TIAM2: variants seen among roughly 807,000 people sequenced by gnomAD.
TIAM2 encodes the protein rho guanine nucleotide exchange factor TIAM2.
Under a neutral mutation model 152.9 loss-of-function variants are expected in TIAM2, and 80 were observed. That is an observed-to-expected ratio of 0.52 (90% CI 0.44 to 0.63). TIAM2 has a LOEUF of 0.63. Among genes scored for constraint, TIAM2 ranks in the 30% least tolerant of loss-of-function variants. The pLI is 0.00. For synonymous variants in TIAM2, 804 were observed against 838.0 expected, an observed-to-expected ratio of 0.96 and a Z score of 0.70; for missense variants, 1,965 against 2,120.1, an observed-to-expected ratio of 0.93 and a Z score of 1.44.
chr6:155,189,002 C>CT (rs1403486917), intron 14 of TIAM2, among the ~76,000 whole-genome samples: 1 of 152,144 alleles, frequency 6.6e-6, no homozygotes, highest in Non-Finnish European at 1.5e-5. Flanking sequence ...TTGAATCATT[C>CT]TTTTTTTAAA....
At chr6:155,097,143 A>G (rs1216046865) in intron 2 of TIAM2, among the ~76,000 whole-genome samples, 3 of 152,096 alleles carry the variant, frequency 2.0e-5, no homozygotes, top group Non-Finnish European at 2.9e-5. Flanking sequence ...GGCCATTTGT[A>G]TGTCTTCCTT....
At chr6:155,115,576 C>A (rs1778988513) in intron 2 of TIAM2, among the ~76,000 whole-genome samples, 5 of 152,116 alleles carry the variant, frequency 3.3e-5, no homozygotes, top group Admixed American at 3.3e-4. Flanking sequence ...TCACTTGAGC[C>A]CTGGCATTTG....
intron 1 of TIAM2, among the ~76,000 whole-genome samples, chr6:155,040,168 A>AT (rs1776995793): frequency 6.6e-6 from 1 of 152,166 alleles, no homozygotes; most frequent in Admixed American, 6.5e-5. Context: ...AAGATGCATA[A>AT]TCTTCTCTTC....
intron 1 of TIAM2, among the ~76,000 whole-genome samples, chr6:155,035,325 G>A (rs532192607): frequency 6.6e-6 from 1 of 151,698 alleles, no homozygotes; most frequent in East Asian, 1.9e-4. Context: ...GGGTTCAAGC[G>A]ATCCTCCTGC....
chr6:155,245,855 G>C lies in TIAM2; in HGVS notation c.3652+124G>C, dbSNP rs913895727. On this transcript the variant is annotated intron_variant, in intron 19 of 26. Transcript: ENST00000682666. ...TTTTGATGTATTAAGGTCCATCCTT[G>C]ACCTTGACAGTGGCAAATATTAAAG... is the stretch of plus-strand genomic sequence containing the variant. 8.7e-5 allele frequency: 49 copies of C among 566,236 alleles called. No individual in the cohort carries two copies. In the African/African-American group the frequency reaches 9.8e-4, roughly 11 times the overall value. The allele number at this position is 566,236 out of a possible 1,614,324, so 35.1% of individuals were successfully genotyped here. A position where few individuals can be genotyped will look rare whatever the true frequency, so the allele number is the denominator to read the frequency against.
In TIAM2 at chr6:155,167,654, TA is replaced by T. The variant is rs534387180; in HGVS notation, c.2361+2250del. 7.9e-5 allele frequency among the ~76,000 whole-genome samples: 12 copies of T among 152,340 alleles called. No homozygotes were observed. In the South Asian group the frequency reaches 2.5e-3, roughly 32 times the overall value. On this transcript the variant is annotated intron_variant, in intron 9 of 26. Coordinates refer to ENST00000682666, the MANE Select transcript of TIAM2 (RefSeq NM_012454.4). Reference sequence around the variant, plus strand: ...GTGGGCCTATGCTTTCTTTATTTTTTAAAAATTGTTTTTGTAGAAATGGGGA... The same window carrying T: ...GTGGGCCTATGCTTTCTTTATTTTTTAAAATTGTTTTTGTAGAAATGGGGA...
At chr6:155,254,936 C>CGGCG in intron 26 of TIAM2, 1 of 177,468 alleles carries the variant, frequency 5.6e-6, no homozygotes, top group South Asian at 1.7e-4. Context: ...AAGAACCTTA[C>CGGCG]ACAGAGGGTC....
intron 1 of TIAM2, among the ~76,000 whole-genome samples, chr6:155,060,413 CAAAT>C (rs1281690845): frequency 6.6e-6 from 1 of 152,036 alleles, no homozygotes; most frequent in Non-Finnish European, 1.5e-5. Context: ...AAAAAACAAA[CAAAT>C]AAAAAACCAT....
intron 1 of TIAM2, among the ~76,000 whole-genome samples, chr6:155,009,213 C>T (rs4870340): frequency 0.15 from 22,589 of 150,492 alleles, 1,705 homozygotes; most frequent in Middle Eastern, 0.19. Context: ...GCGATTCTTG[C>T]ACCTCAGCCT....
rs1444967651 is a variant in TIAM2, at chr6:154,995,724, A to G, written c.-209+232A>G. On this transcript the variant is annotated intron_variant, in intron 1 of 26. Coordinates refer to ENST00000682666, the MANE Select transcript of TIAM2 (RefSeq NM_012454.4). This position sits in a 1 kb window ranked among gnomAD's most constrained non-coding sequence, Gnocchi z 5.2. ...CGGCAGCGTCCGGGCACAGCCTGGC[A>G]CGGGGGACGAAGCACTTTCCAGAAG... 6.6e-6 allele frequency among the ~76,000 whole-genome samples: 1 copy of G among 151,990 alleles called. No individual in the cohort carries two copies. The highest frequency in any genetic ancestry group is 1.5e-5 in the Non-Finnish European group (1 of 67,972).
intron 1 of TIAM2, among the ~76,000 whole-genome samples, chr6:155,012,277 T>C (rs1778502833): frequency 6.6e-6 from 1 of 152,204 alleles, no homozygotes; most frequent in Non-Finnish European, 1.5e-5. Context: ...TTCTTTACTA[T>C]GAGAGTTCAC....
At chr6:155,137,721 T>G (rs1389409042) in intron 5 of TIAM2, 109 bp downstream of exon 5, 2 of 1,242,774 alleles carry the variant, frequency 1.6e-6, no homozygotes, top group African/African-American at 3.0e-5. Flanking sequence ...CATGAGGGGT[T>G]TGACACAGGA....
chr6:155,243,522 G>T (rs902025620), intron 16 of TIAM2, among the ~76,000 whole-genome samples: 1 of 152,140 alleles, frequency 6.6e-6, no homozygotes, highest in Non-Finnish European at 1.5e-5. Flanking sequence ...TTTGAATTAG[G>T]TGAGCAATAA....
At position 155,248,141 on chromosome 6, in the gene TIAM2, T is replaced by C; in HGVS notation, c.3794T>C (p.Leu1265Pro). The C allele has an allele frequency of 6.2e-7, 1 of 1,614,150 alleles. No homozygotes were observed. Among genetic ancestry groups the C allele is most frequent in the Non-Finnish European group, 8.5e-7 (1 of 1,180,022 alleles). Residue 1265 changes from leucine (L) to proline (P), a missense_variant, in exon 20 of 27, where the codon CTG becomes CCG. Transcript: ENST00000682666. ...YPLLLKELVS[L>P]TDQESEEHYH... ...CTGCTGCTCAAGGAGCTGGTGTCCC[T>C]GACGGACCAGGAGAGCGAGGAGCAC...
rs1359158093 is a variant in TIAM2, at chr6:155,029,123, ATG to A, written c.-209+33633_-209+33634del. Reference sequence around the variant, plus strand: ...ATACTATGTGTTATATATACACTGTATGTACTATGTGTTATATACACTATATG... The same window carrying A: ...ATACTATGTGTTATATATACACTGTATACTATGTGTTATATACACTATATG... On this transcript the variant is annotated intron_variant, in intron 1 of 26. Transcript: ENST00000682666. Among the ~76,000 whole-genome samples the A allele has an allele frequency of 7.1e-4, 86 of 121,856 alleles. 5 individuals carry two copies. The highest frequency in any genetic ancestry group is 2.4e-3 in the African/African-American group (81 of 33,188). 79.9% of individuals were successfully genotyped at this position (121,856 alleles called of 152,430 possible).
intron 15 of TIAM2, among the ~76,000 whole-genome samples, chr6:155,217,354 C>A (rs1480001624): frequency 6.6e-6 from 1 of 152,188 alleles, no homozygotes; most frequent in Non-Finnish European, 1.5e-5. Flanking sequence ...ATTCCAAAAT[C>A]TTTAACTTCA....
At chr6:155,047,678 GA>G (rs1777210682) in intron 1 of TIAM2, among the ~76,000 whole-genome samples, 1 of 52,370 alleles carries the variant, frequency 1.9e-5, no homozygotes, top group Non-Finnish European at 4.7e-5. Context: ...GAGAGAGAGA[GA>G]GAGAGAGAGG....
chr6:155,107,584 G>T (rs1186675683), intron 2 of TIAM2, among the ~76,000 whole-genome samples: 1 of 152,200 alleles, frequency 6.6e-6, no homozygotes, highest in Non-Finnish European at 1.5e-5. Context: ...GTATTTTGCA[G>T]TTTTTGGGTT....
At chr6:155,110,318 C>CTTTTTTTTTTTTTTTTTTTT (rs67332964) in intron 2 of TIAM2, among the ~76,000 whole-genome samples, 6 of 133,808 alleles carry the variant, frequency 4.5e-5, no homozygotes, top group African/African-American at 8.3e-5. Context: ...TCTTTCTTTT[C>CTTTTTTTTTTTTTTTTTTTT]TTTTTTTTTT....
Sources: gnomAD v4.1 joint callset for allele counts (sites outside exome capture counted in the v4.1 genomes callset) on GRCh38, gnomAD v4.1.1 for gene constraint, Gnocchi (gnomAD v3.1) non-coding constraint, MANE v1.5 for transcripts, NCBI Gene and HGNC (gene_info 2026-07-23, HGNC 2026-07-21) for gene names.